Variants in TENM4 observed in about 807,000 individuals in gnomAD.
TENM4 encodes teneurin-4.
TENM4 carries 82 observed loss-of-function variants against 243.3 expected under a neutral mutation model. The observed-to-expected ratio is 0.34, with a 90% confidence interval of 0.28 to 0.40. The LOEUF is 0.40. TENM4 is among the 10% of genes least tolerant of loss of function. The pLI is 1.00. For synonymous variants in TENM4, 1,412 were observed against 1,456.3 expected (o/e 0.97, Z 0.69); for missense variants, 3,138 against 3,673.3 (o/e 0.85, Z 3.77).
chr11:78,983,633 C>T (rs114748486), intron 6 of TENM4, among the ~76,000 whole-genome samples: 2,353 of 152,314 alleles, frequency 0.015, 54 homozygotes, highest in African/African-American at 0.044. Context: ...AGAGGCCTTG[C>T]CTGGCATGTG....
At chr11:79,242,428 T>A (rs1296310038) in intron 2 of TENM4, among the ~76,000 whole-genome samples, 3 of 152,178 alleles carry the variant, frequency 2.0e-5, no homozygotes, top group Non-Finnish European at 4.4e-5. Context: ...AGAAAAATCA[T>A]CCGCAATCCT....
intron 9 of TENM4, among the ~76,000 whole-genome samples, chr11:78,887,872 C>T (rs139182278): frequency 2.6e-4 from 40 of 152,340 alleles, no homozygotes; most frequent in South Asian, 1.4e-3. Context: ...AAGACTTCAA[C>T]GCAAAACAAA....
At chr11:79,410,422 C>T (rs74687746) in intron 1 of TENM4, among the ~76,000 whole-genome samples, 3,057 of 152,312 alleles carry the variant, frequency 0.02, 125 homozygotes, top group African/African-American at 0.07. Flanking sequence ...ACTGGTTCTA[C>T]TGCATCCCCA....
At chr11:79,428,005 C>G (rs182601960) in intron 1 of TENM4, among the ~76,000 whole-genome samples, 1 of 152,326 alleles carries the variant, frequency 6.6e-6, no homozygotes, top group Admixed American at 6.5e-5. Context: ...CAGTCTGCAT[C>G]TGATGCTCCT....
intron 2 of TENM4, among the ~76,000 whole-genome samples, chr11:79,271,936 C>A (rs372496861): frequency 3.3e-5 from 5 of 152,350 alleles, no homozygotes; most frequent in African/African-American, 1.2e-4. Context: ...GTCAGCCACA[C>A]ACACAGAGCT....
chr11:79,147,499 G>T (rs1411330392), intron 4 of TENM4, among the ~76,000 whole-genome samples: 1 of 151,990 alleles, frequency 6.6e-6, no homozygotes, highest in Non-Finnish European at 1.5e-5. Context: ...AATTTTCTGA[G>T]GTTGGGCTTA....
intron 1 of TENM4, among the ~76,000 whole-genome samples, chr11:79,355,739 C>A (rs1263045627): frequency 1.3e-5 from 2 of 152,154 alleles, no homozygotes; most frequent in Non-Finnish European, 2.9e-5. Context: ...CACAGCCTCC[C>A]ATTTTACAGA....
chr11:79,411,817 C>G (rs1858707053), intron 1 of TENM4, among the ~76,000 whole-genome samples: 2 of 152,206 alleles, frequency 1.3e-5, no homozygotes, highest in Admixed American at 1.3e-4. Context: ...TCTCTTCCAA[C>G]TCTAGAAGGC....
chr11:79,437,533 G>A (rs530068238), intron 1 of TENM4, among the ~76,000 whole-genome samples: 144 of 152,292 alleles, frequency 9.5e-4, no homozygotes, highest in African/African-American at 3.2e-3. Context: ...CGGCCGCCCC[G>A]CTGGTTCGCA....
At chr11:79,295,916 C>CACACACACAT (rs71050218) in intron 2 of TENM4, among the ~76,000 whole-genome samples, 1 of 150,454 alleles carries the variant, frequency 6.6e-6, no homozygotes, top group African/African-American at 2.5e-5. Context: ...CACACACACA[C>CACACACACAT]ACACACACAC....
At chr11:79,395,814 C>T (rs746496031) in intron 1 of TENM4, among the ~76,000 whole-genome samples, 4 of 152,212 alleles carry the variant, frequency 2.6e-5, no homozygotes, top group Admixed American at 6.5e-5. Context: ...CTTTAATATC[C>T]GTGAATATTT....
chr11:78,836,053 A>C (rs930910489), intron 12 of TENM4, among the ~76,000 whole-genome samples: 1 of 152,248 alleles, frequency 6.6e-6, no homozygotes, highest in Non-Finnish European at 1.5e-5. Context: ...ATCTTGGACC[A>C]GTGAGAAAGC....
intron 6 of TENM4, among the ~76,000 whole-genome samples, chr11:78,961,092 T>C (rs867801832): frequency 2.6e-5 from 4 of 152,258 alleles, no homozygotes; most frequent in African/African-American, 7.2e-5. Context: ...CCAGAGCCCA[T>C]AGACTGTCTT....
At chr11:79,033,284 A>G (rs1859292118) in intron 6 of TENM4, among the ~76,000 whole-genome samples, 2 of 152,202 alleles carry the variant, frequency 1.3e-5, no homozygotes, top group Admixed American at 1.3e-4. Flanking sequence ...TGTCAAAACC[A>G]GGTTCCTGGA....
chr11:79,244,372 A>C (rs139864991), intron 2 of TENM4, among the ~76,000 whole-genome samples: 79 of 152,042 alleles, frequency 5.2e-4, no homozygotes, highest in African/African-American at 1.9e-3. Flanking sequence ...TGGAAGTGGG[A>C]TTGTTCTTGT....
chr11:78,845,322 T>C (rs1858364572), intron 12 of TENM4, among the ~76,000 whole-genome samples: 1 of 152,240 alleles, frequency 6.6e-6, no homozygotes, highest in African/African-American at 2.4e-5. Context: ...TGCTTTCACA[T>C]CATTGTCAGA....
At chr11:78,797,760 G>T (rs1473254855) in intron 15 of TENM4, among the ~76,000 whole-genome samples, 1 of 152,148 alleles carries the variant, frequency 6.6e-6, no homozygotes, top group Non-Finnish European at 1.5e-5. Flanking sequence ...CAATCTCCTG[G>T]ATATTTATTA....
rs1319645952 is a variant in TENM4 at position 78,672,078 on chromosome 11, C to T, written c.5748G>A (p.Arg1916=). 6.2e-7 allele frequency: 1 copy of T among 1,614,008 alleles called. No homozygotes were observed. Among genetic ancestry groups the T allele is most frequent in the Non-Finnish European group, 8.5e-7 (1 of 1,179,892 alleles). Residue 1916 remains arginine (R), a synonymous_variant, in exon 31 of 34, where the codon AGG becomes AGA. Transcript: ENST00000278550. ...TCCATGTCTTCCCATCAGCGAAGAT[C>T]CTGGATGTGATGCGGCCCGCCTGGT... is the stretch of plus-strand genomic sequence containing the variant. ...EYDQAGRITS[R]IFADGKTWSY...
chr11:79,201,882 G>A (rs1863745524), intron 3 of TENM4, among the ~76,000 whole-genome samples: 1 of 152,194 alleles, frequency 6.6e-6, no homozygotes, highest in Admixed American at 6.5e-5. Context: ...TAGAGGCAGA[G>A]AGGCAGGGAG....
Sources: allele counts gnomAD v4.1 joint callset (sites outside exome capture counted in the v4.1 genomes callset), GRCh38; gene constraint gnomAD v4.1.1; transcripts MANE v1.5; gene names NCBI Gene and HGNC (gene_info 2026-07-23, HGNC 2026-07-21).